PLA2G4A: variants seen among roughly 807,000 people sequenced by gnomAD.
PLA2G4A encodes cytosolic phospholipase A2.
PLA2G4A carries 40 observed loss-of-function variants against 81.9 expected under a neutral mutation model. That is an observed-to-expected ratio of 0.49 (90% CI 0.38 to 0.64). The LOEUF (loss-of-function observed/expected upper bound fraction) is 0.64. Among genes scored for constraint, PLA2G4A ranks in the 30% least tolerant of loss-of-function variants. The probability of loss-of-function intolerance (pLI) is 0.00; values close to 1 mark genes in which losing one functional copy is unlikely to be tolerated. For missense variants in PLA2G4A, 715 were observed against 905.1 expected, an observed-to-expected ratio of 0.79 and a Z score of 2.69; for synonymous variants, 302 against 296.9, an observed-to-expected ratio of 1.02 and a Z score of -0.18.
chr1:186,843,594 G>A (rs142374093), intron 1 of PLA2G4A, among the ~76,000 whole-genome samples: 317 of 152,324 alleles, frequency 2.1e-3, no homozygotes, highest in African/African-American at 7.3e-3. Context: ...TCAAGGAAAG[G>A]TACAAGGGTC....
chr1:186,856,466 T>C (rs953395086), intron 2 of PLA2G4A, among the ~76,000 whole-genome samples: 2 of 151,394 alleles, frequency 1.3e-5, no homozygotes, highest in African/African-American at 4.8e-5. Flanking sequence ...CAGAGCTCAC[T>C]GCAACTACCA....
chr1:186,881,438 T>C (rs6678716), intron 3 of PLA2G4A, among the ~76,000 whole-genome samples: 6,458 of 152,128 alleles, frequency 0.042, 455 homozygotes, highest in African/African-American at 0.15. Flanking sequence ...CTAAACCACA[T>C]TGGATTCTTC....
At chr1:186,967,413 G>T (rs1657170476) in intron 15 of PLA2G4A, among the ~76,000 whole-genome samples, 1 of 152,112 alleles carries the variant, frequency 6.6e-6, no homozygotes, top group Non-Finnish European at 1.5e-5. Flanking sequence ...TACAGAATGA[G>T]AATTTCTTAC....
At chr1:186,901,413 C>T (rs981351300) in intron 5 of PLA2G4A, among the ~76,000 whole-genome samples, 1 of 152,100 alleles carries the variant, frequency 6.6e-6, no homozygotes, top group South Asian at 2.1e-4. Context: ...TGGAGTAGAA[C>T]GTGACTAGCT....
chr1:186,832,152 C>T (rs139725236), intron 1 of PLA2G4A, among the ~76,000 whole-genome samples: 1 of 151,964 alleles, frequency 6.6e-6, no homozygotes, highest in African/African-American at 2.4e-5. Context: ...ATTAGTTTTC[C>T]ACTATTATAA....
At position 186,940,889 on chromosome 1, in the gene PLA2G4A, A is replaced by G. The variant is rs73049065; in HGVS notation, c.1033+795A>G. ...TTCAGCACCTAAAAAGTTCTAGTGT[A>G]TATTTGTAGTGGTTGATGAACCAAT... On this transcript the variant is annotated intron_variant, in intron 10 of 17. Coordinates refer to ENST00000367466, the MANE Select transcript of PLA2G4A (RefSeq NM_024420.3). Among the ~76,000 whole-genome samples the G allele has an allele frequency of 5.4e-3, 824 of 152,298 alleles. 6 individuals carry two copies. The highest frequency in any genetic ancestry group is 0.019 in the African/African-American group (792 of 41,556).
At chr1:186,938,687 A>G (rs1176385132) in intron 8 of PLA2G4A, among the ~76,000 whole-genome samples, 4 of 152,146 alleles carry the variant, frequency 2.6e-5, no homozygotes, top group Non-Finnish European at 5.9e-5. Flanking sequence ...TCTGTCATCA[A>G]TCTCTAATAC....
chr1:186,862,913 G>A (rs1236777990), intron 2 of PLA2G4A, among the ~76,000 whole-genome samples: 1 of 152,162 alleles, frequency 6.6e-6, no homozygotes, highest in African/African-American at 2.4e-5. Flanking sequence ...CATAAGTATT[G>A]AGGTAGGAAA....
intron 2 of PLA2G4A, among the ~76,000 whole-genome samples, chr1:186,868,928 T>A (rs894982238): frequency 6.6e-6 from 1 of 151,926 alleles, no homozygotes; most frequent in Non-Finnish European, 1.5e-5. Context: ...CATCCTTTTT[T>A]TTTTTTTTCT....
At chr1:186,977,829 A>C in intron 16 of PLA2G4A, 41 bp downstream of exon 16, 8 of 1,294,470 alleles carry the variant, frequency 6.2e-6, no homozygotes, top group South Asian at 5.9e-5. Flanking sequence ...ATAGAAATTA[A>C]GTAGGGGACG....
At chr1:186,960,491 C>T (rs751002355) in intron 14 of PLA2G4A, among the ~76,000 whole-genome samples, 6 of 152,174 alleles carry the variant, frequency 3.9e-5, no homozygotes, top group South Asian at 2.1e-4. Flanking sequence ...TCTTCCATAA[C>T]GGCATTTATC....
chr1:186,913,652 A>G (rs1188967483), intron 7 of PLA2G4A, among the ~76,000 whole-genome samples: 1 of 142,682 alleles, frequency 7.0e-6, no homozygotes, highest in Admixed American at 7.6e-5. Context: ...TTTTAAATAC[A>G]TAAGTAAACA....
chr1:186,884,701 A>C (rs920012406), intron 3 of PLA2G4A, among the ~76,000 whole-genome samples: 4 of 151,872 alleles, frequency 2.6e-5, no homozygotes, highest in Non-Finnish European at 5.9e-5. Flanking sequence ...AACATGGTAA[A>C]ACCCCATCTC....
intron 1 of PLA2G4A, among the ~76,000 whole-genome samples, chr1:186,833,278 C>A (rs1036771911): frequency 6.6e-6 from 1 of 151,914 alleles, no homozygotes; most frequent in Non-Finnish European, 1.5e-5. Context: ...CACCTGTAAT[C>A]CAGCAATTTG....
intron 7 of PLA2G4A, among the ~76,000 whole-genome samples, chr1:186,915,320 C>T (rs898673729): frequency 1.2e-4 from 19 of 152,068 alleles, no homozygotes; most frequent in African/African-American, 2.7e-4. Flanking sequence ...AGTTTCTTGC[C>T]GGGCCAGAAT....
At chr1:186,899,127 G>T (rs995326342) in intron 5 of PLA2G4A, among the ~76,000 whole-genome samples, 1 of 152,218 alleles carries the variant, frequency 6.6e-6, no homozygotes, top group African/African-American at 2.4e-5. Flanking sequence ...TAGGGGCAGA[G>T]AATGGGGCAG....
intron 14 of PLA2G4A, among the ~76,000 whole-genome samples, chr1:186,964,985 C>T (rs1463279742): frequency 6.6e-6 from 1 of 152,204 alleles, no homozygotes; most frequent in Non-Finnish European, 1.5e-5. Flanking sequence ...TTGGCTTCAC[C>T]CTCCATTTAC....
At chr1:186,866,874 G>T (rs146781446) in intron 2 of PLA2G4A, among the ~76,000 whole-genome samples, 1 of 152,136 alleles carries the variant, frequency 6.6e-6, no homozygotes, top group African/African-American at 2.4e-5. Flanking sequence ...TTGTATTTCA[G>T]GCCCAGTTAT....
chr1:186,898,526 C>T (rs896468854), intron 5 of PLA2G4A, among the ~76,000 whole-genome samples: 9 of 152,112 alleles, frequency 5.9e-5, no homozygotes, highest in Non-Finnish European at 7.4e-5. Context: ...ATGATCAACA[C>T]GCCATCAGCT....
Sources: allele counts gnomAD v4.1 joint callset (sites outside exome capture counted in the v4.1 genomes callset), GRCh38; gene constraint gnomAD v4.1.1; transcripts MANE v1.5; gene names NCBI Gene and HGNC (gene_info 2026-07-23, HGNC 2026-07-21).